The following NRG1 variants were observed in gnomAD, a reference collection of about 807,000 sequenced individuals.
The protein encoded by NRG1 is pro-neuregulin-1, membrane-bound isoform.
In NRG1, 18 loss-of-function variants were observed where a neutral mutation model predicts 63.8. That is an observed-to-expected ratio of 0.28 (90% CI 0.19 to 0.42). NRG1 has a LOEUF of 0.42. Among genes scored for constraint, NRG1 ranks in the 10% least tolerant of loss-of-function variants. The probability of loss-of-function intolerance (pLI) is 1.00; values close to 1 mark genes in which losing one functional copy is unlikely to be tolerated. For synonymous variants in NRG1, 302 were observed against 301.3 expected (o/e 1.00, Z -0.02); for missense variants, 762 against 814.7 (o/e 0.94, Z 0.79).
At chr8:32,254,245 T>C (rs2129470978) in intron 1 of NRG1, among the ~76,000 whole-genome samples, 2 of 152,316 alleles carry the variant, frequency 1.3e-5, no homozygotes, top group Admixed American at 1.3e-4. Context: ...TTGAATTTGT[T>C]TGCTCTTGCT....
chr8:32,721,303 C>T (rs935061536), intron 5 of NRG1, among the ~76,000 whole-genome samples: 1 of 152,144 alleles, frequency 6.6e-6, no homozygotes. Context: ...TTGAACAATG[C>T]CAAAGCCCAA....
At chr8:31,967,216 A>G (rs1188697377) in intron 1 of NRG1, among the ~76,000 whole-genome samples, 2 of 152,168 alleles carry the variant, frequency 1.3e-5, no homozygotes, top group Non-Finnish European at 2.9e-5. Flanking sequence ...CCAGGACCTC[A>G]GTTGCATGAA....
chr8:32,748,358 C>CACAGAG lies in NRG1; in HGVS notation c.691+5626_691+5627insCAGAGA, dbSNP rs748763782. Among the ~76,000 whole-genome samples, 639 of 122,004 alleles carry CACAGAG rather than the reference C, an allele frequency of 5.2e-3. 3 individuals are homozygous for CACAGAG. Among genetic ancestry groups the CACAGAG allele is most frequent in the Middle Eastern group, 0.019 (4 of 212 alleles). 80.0% of individuals were successfully genotyped at this position (122,004 alleles called of 152,430 possible). A position where few individuals can be genotyped will look rare whatever the true frequency, so the allele number is the denominator to read the frequency against. The stretch of plus-strand genomic sequence containing the variant: ...GCGCGCGCACACACACACACACACA[C>CACAGAG]AGAGAGAGAGAGAGAGAGAGAGAGA... On this transcript the variant is annotated intron_variant, in intron 7 of 11. Transcript: ENST00000356819.
intron 5 of NRG1, chr8:32,648,245 T>A: frequency 6.2e-7 from 1 of 1,614,032 alleles, no homozygotes; most frequent in Non-Finnish European, 8.5e-7. Flanking sequence ...CACCGAAGAA[T>A]CGTATTTTTG....
At chr8:31,935,904 G>A (rs923699552) in intron 1 of NRG1, among the ~76,000 whole-genome samples, 5 of 152,192 alleles carry the variant, frequency 3.3e-5, no homozygotes, top group Admixed American at 2.6e-4. Context: ...ATTTTGCTTA[G>A]CTCCTTGAAG....
intron 1 of NRG1, among the ~76,000 whole-genome samples, chr8:32,209,647 A>G (rs1031095737): frequency 2.0e-5 from 3 of 152,202 alleles, no homozygotes; most frequent in Non-Finnish European, 4.4e-5. Context: ...GCTTTTATCA[A>G]ATGAGCAAAC....
At chr8:32,073,525 T>G (rs10503896) in intron 1 of NRG1, among the ~76,000 whole-genome samples, 81,056 of 152,102 alleles carry the variant, frequency 0.53, 26,087 homozygotes, top group Non-Finnish European at 0.71. Context: ...TGCTCTGTTT[T>G]TATGCGTCTC....
chr8:32,773,461 A>G (rs1457986060), intron 7 of NRG1, among the ~76,000 whole-genome samples: 1 of 152,148 alleles, frequency 6.6e-6, no homozygotes, highest in Admixed American at 6.6e-5. Context: ...AAGTAAGGGG[A>G]AACATCTCCT....
At chr8:31,653,410 T>C (rs1345038546) in intron 1 of NRG1, among the ~76,000 whole-genome samples, 1 of 152,174 alleles carries the variant, frequency 6.6e-6, no homozygotes, top group Non-Finnish European at 1.5e-5. Context: ...ACCTAGTGAA[T>C]GAACAGAACA....
intron 1 of NRG1, among the ~76,000 whole-genome samples, chr8:32,105,646 C>G (rs1436197674): frequency 6.6e-6 from 1 of 151,918 alleles, no homozygotes; most frequent in African/African-American, 2.4e-5. Context: ...TTTTAAATCC[C>G]TTGAGTATCT....
intron 1 of NRG1, among the ~76,000 whole-genome samples, chr8:31,685,466 G>GA (rs1258689301): frequency 1.3e-5 from 2 of 152,094 alleles, no homozygotes; most frequent in Non-Finnish European, 2.9e-5. Context: ...CTAAAACATA[G>GA]CTGGCCTTTT....
intron 5 of NRG1, among the ~76,000 whole-genome samples, chr8:32,643,547 C>T (rs1852849778): frequency 6.6e-6 from 1 of 152,184 alleles, no homozygotes; most frequent in Non-Finnish European, 1.5e-5. Context: ...TGCACCTCAC[C>T]TGCAGCACCA....
intron 5 of NRG1, among the ~76,000 whole-genome samples, chr8:32,665,487 G>A (rs1348279179): frequency 6.6e-6 from 1 of 152,126 alleles, no homozygotes; most frequent in Admixed American, 6.5e-5. Context: ...CTGATGTCCA[G>A]CAGTTAATAT....
intron 1 of NRG1, among the ~76,000 whole-genome samples, chr8:32,423,036 C>G (rs1330815223): frequency 1.3e-5 from 2 of 152,198 alleles, no homozygotes; most frequent in Non-Finnish European, 2.9e-5. Context: ...TTGTCAACTG[C>G]ACTCCCCATG....
At chr8:32,590,410 A>G (rs1002412392) in intron 1 of NRG1, among the ~76,000 whole-genome samples, 7 of 152,218 alleles carry the variant, frequency 4.6e-5, no homozygotes, top group African/African-American at 1.7e-4. Flanking sequence ...ATACAATTAA[A>G]TCATGCTTAA....
At chr8:32,661,372 A>T (rs1802803776) in intron 5 of NRG1, among the ~76,000 whole-genome samples, 1 of 152,252 alleles carries the variant, frequency 6.6e-6, no homozygotes, top group Non-Finnish European at 1.5e-5. Flanking sequence ...CAATAAATTA[A>T]TGCGATGATG....
intron 1 of NRG1, among the ~76,000 whole-genome samples, chr8:31,834,744 G>A (rs1825537867): frequency 6.6e-6 from 1 of 152,106 alleles, no homozygotes; most frequent in Non-Finnish European, 1.5e-5. Context: ...AAAAGAAGAT[G>A]CTACGTACAT....
At chr8:31,941,147 A>T (rs745584960) in intron 1 of NRG1, among the ~76,000 whole-genome samples, 1 of 152,186 alleles carries the variant, frequency 6.6e-6, no homozygotes, top group Non-Finnish European at 1.5e-5. Context: ...AAAAATCCTC[A>T]ATAAAATCCT....
intron 1 of NRG1, among the ~76,000 whole-genome samples, chr8:31,695,638 C>T (rs1337993275): frequency 6.6e-6 from 1 of 152,172 alleles, no homozygotes; most frequent in Non-Finnish European, 1.5e-5. Context: ...GACACAGAGC[C>T]AAACCATATT....
Sources: allele counts gnomAD v4.1 joint callset (sites outside exome capture counted in the v4.1 genomes callset), GRCh38; gene constraint gnomAD v4.1.1; transcripts MANE v1.5; gene names NCBI Gene and HGNC (gene_info 2026-07-23, HGNC 2026-07-21).